The following MOB3B variants were observed in gnomAD, a reference collection of about 807,000 sequenced individuals.
The protein encoded by MOB3B is MOB kinase activator 3B.
A neutral mutation model predicts 18.7 loss-of-function variants in MOB3B; 7 were observed. That is an observed-to-expected ratio of 0.37 (90% CI 0.21 to 0.70). The LOEUF is 0.70. Ranked by LOEUF, MOB3B falls within the 30% of genes least tolerant of loss-of-function variation. The probability of loss-of-function intolerance (pLI) is 0.52; values close to 1 mark genes in which losing one functional copy is unlikely to be tolerated. For missense variants in MOB3B, 253 were observed against 281.3 expected (o/e 0.90, Z 0.72); for synonymous variants, 111 against 99.9 (o/e 1.11, Z -0.66).
intron 2 of MOB3B, among the ~76,000 whole-genome samples, chr9:27,400,645 C>G (rs1236356194): frequency 6.6e-6 from 1 of 152,212 alleles, no homozygotes; most frequent in Non-Finnish European, 1.5e-5. Flanking sequence ...GTGAACACTT[C>G]AAGAACAGGT....
rs573097790 is a variant in MOB3B at position 27,447,004 on chromosome 9, G to A, written c.418+8129C>T. Among the ~76,000 whole-genome samples, 9 of 74,340 alleles carry A rather than the reference G, an allele frequency of 1.2e-4. No homozygotes were observed. The South Asian group carries it at 1.9e-3, about 16-fold the overall frequency. 48.8% of individuals were successfully genotyped at this position (74,340 alleles called of 152,430 possible). Reference sequence around the variant, plus strand: ...ATTCACTAGAATAGGAAATTAGCATGAATTTTTTTTTTAAGATATAACACC... The same window carrying A: ...ATTCACTAGAATAGGAAATTAGCATAAATTTTTTTTTTAAGATATAACACC... On this transcript the variant is annotated intron_variant, in intron 2 of 3. Coordinates refer to ENST00000262244, the MANE Select transcript of MOB3B (RefSeq NM_024761.5).
At chr9:27,363,900 C>T (rs1445071659) in intron 2 of MOB3B, among the ~76,000 whole-genome samples, 2 of 152,116 alleles carry the variant, frequency 1.3e-5, no homozygotes, top group Non-Finnish European at 2.9e-5. Flanking sequence ...CGCCACCATG[C>T]CTGGCTAACT....
At chr9:27,492,282 A>G (rs1325257123) in intron 1 of MOB3B, among the ~76,000 whole-genome samples, 1 of 152,208 alleles carries the variant, frequency 6.6e-6, no homozygotes, top group Non-Finnish European at 1.5e-5. Flanking sequence ...CACACTCATT[A>G]TAATGATCAT....
intron 1 of MOB3B, 52 bp downstream of exon 1, chr9:27,529,503 G>T: frequency 1.0e-6 from 1 of 970,360 alleles, no homozygotes; most frequent in Non-Finnish European, 1.2e-6. Context: ...TCGGGAGCGA[G>T]CAGCCACCGG....
rs142014326 is a variant in MOB3B, at chr9:27,460,989, G to C, written c.-198-5241C>G. ...ACTGCCAACTCACTGAGGCCGCTGG[G>C]ATACCCTGAAGTAACAAGTCTGCCT... On this transcript the variant is annotated intron_variant, in intron 1 of 3. Transcript: ENST00000262244. Among the ~76,000 whole-genome samples the C allele has an allele frequency of 2.5e-3, 379 of 152,290 alleles. 2 individuals are homozygous for C. The highest frequency in any genetic ancestry group is 8.8e-3 in the African/African-American group (367 of 41,568).
intron 3 of MOB3B, among the ~76,000 whole-genome samples, chr9:27,343,478 TAAAAAAAAAAA>T (rs779124158): frequency 1.2e-5 from 1 of 84,330 alleles, no homozygotes; most frequent in Non-Finnish European, 2.2e-5. Context: ...CAATAAATAC[TAAAAAAAAAAA>T]AAAAAAAAAA....
intron 1 of MOB3B, among the ~76,000 whole-genome samples, chr9:27,498,893 A>G (rs534752356): frequency 6.6e-6 from 1 of 152,354 alleles, no homozygotes; most frequent in African/African-American, 2.4e-5. Flanking sequence ...AACACTTTCT[A>G]TGAGCAAACA....
intron 3 of MOB3B, among the ~76,000 whole-genome samples, chr9:27,332,880 G>GTGAT (rs1339641769): frequency 6.6e-6 from 1 of 152,214 alleles, no homozygotes; most frequent in Non-Finnish European, 1.5e-5. Flanking sequence ...ACTACACCAT[G>GTGAT]TGATTGTAGG....
At chr9:27,501,766 C>CAAAAAAA (rs36090681) in intron 1 of MOB3B, among the ~76,000 whole-genome samples, 1 of 129,304 alleles carries the variant, frequency 7.7e-6, no homozygotes. Context: ...GACTCTGTCT[C>CAAAAAAA]AAAAAAAAAA....
intron 2 of MOB3B, among the ~76,000 whole-genome samples, chr9:27,376,328 T>C (rs1821489408): frequency 6.6e-6 from 1 of 152,256 alleles, no homozygotes; most frequent in African/African-American, 2.4e-5. Flanking sequence ...ACATTTTACA[T>C]TAAGAGTTCA....
intron 2 of MOB3B, among the ~76,000 whole-genome samples, chr9:27,386,808 T>A (rs1253132486): frequency 6.6e-6 from 1 of 152,196 alleles, no homozygotes; most frequent in Non-Finnish European, 1.5e-5. Context: ...AGCTCACAAC[T>A]CTTGTGTTAT....
intron 2 of MOB3B, among the ~76,000 whole-genome samples, chr9:27,382,297 CA>C (rs1821589770): frequency 6.6e-6 from 1 of 152,172 alleles, no homozygotes; most frequent in Admixed American, 6.5e-5. Context: ...CTGTGTGGAA[CA>C]ACCACTGCTT....
chr9:27,406,778 A>C, intron 2 of MOB3B, among the ~76,000 whole-genome samples: 1 of 152,202 alleles, frequency 6.6e-6, no homozygotes, highest in East Asian at 1.9e-4. Context: ...CTGAAGCTAT[A>C]AAACTACTTG....
intron 2 of MOB3B, among the ~76,000 whole-genome samples, chr9:27,444,154 A>AGAAG (rs146325733): frequency 0.31 from 44,578 of 142,286 alleles, 7,288 homozygotes; most frequent in African/African-American, 0.34. Context: ...GAAGAAGGAA[A>AGAAG]GAAGGAAGGA....
At chr9:27,521,522 C>G (rs1238767512) in intron 1 of MOB3B, among the ~76,000 whole-genome samples, 1 of 152,118 alleles carries the variant, frequency 6.6e-6, no homozygotes, top group African/African-American at 2.4e-5. Flanking sequence ...AACACTTATA[C>G]AATTATCTGT....
Position 27,524,798 on chromosome 9 carries a change from C to T in MOB3B, c.-199+4757G>A, listed in dbSNP as rs760676411. On this transcript the variant is annotated intron_variant, in intron 1 of 3. Coordinates refer to ENST00000262244, the MANE Select transcript of MOB3B (RefSeq NM_024761.5). The stretch of plus-strand genomic sequence containing the variant: ...AGATGAAACCCTCAGAAGCCAGGGT[C>T]CCCCAGCTGAGCAGCCTGGAACTGA... The T allele has an allele frequency of 1.6e-5, 26 of 1,613,964 alleles. 1 individual carries two copies. In the South Asian group the frequency reaches 2.5e-4, roughly 16 times the overall value.
intron 1 of MOB3B, among the ~76,000 whole-genome samples, chr9:27,478,106 G>C (rs1422408326): frequency 1.3e-5 from 2 of 152,180 alleles, no homozygotes; most frequent in Non-Finnish European, 2.9e-5. Context: ...CAAGTGTGTT[G>C]CACAAATTTA....
chr9:27,389,130 T>A (rs991912496), intron 2 of MOB3B, among the ~76,000 whole-genome samples: 2 of 152,184 alleles, frequency 1.3e-5, no homozygotes, highest in African/African-American at 4.8e-5. Flanking sequence ...TGAAAAAGGC[T>A]TATATCAGGA....
At chr9:27,381,019 C>T (rs934982446) in intron 2 of MOB3B, among the ~76,000 whole-genome samples, 1 of 152,102 alleles carries the variant, frequency 6.6e-6, no homozygotes, top group African/African-American at 2.4e-5. Flanking sequence ...TCTGGGTGAG[C>T]TTTGGAGGAA....
Sources: allele counts gnomAD v4.1 joint callset (sites outside exome capture counted in the v4.1 genomes callset), GRCh38; gene constraint gnomAD v4.1.1; transcripts MANE v1.5; gene names NCBI Gene and HGNC (gene_info 2026-07-23, HGNC 2026-07-21).